Variants in PLB1 observed in about 807,000 individuals in gnomAD.
PLB1 encodes phospholipase B1.
PLB1 carries 242 observed loss-of-function variants against 227.4 expected under a neutral mutation model. That is an observed-to-expected ratio of 1.06 (90% confidence interval 0.96 to 1.18). The LOEUF (loss-of-function observed/expected upper bound fraction) is 1.18, where lower values mean the gene tolerates loss of function less well. Among genes scored for constraint, PLB1 ranks in the 50% most tolerant of loss-of-function variants. The pLI is 0.00. For synonymous variants in PLB1, 757 were observed against 682.2 expected, an observed-to-expected ratio of 1.11 and a Z score of -1.71; for missense variants, 1,858 against 1,816.3, an observed-to-expected ratio of 1.02 and a Z score of -0.42.
intron 14 of PLB1, among the ~76,000 whole-genome samples, chr2:28,544,941 T>G (rs1213802101): frequency 6.6e-6 from 1 of 152,128 alleles, no homozygotes; most frequent in Non-Finnish European, 1.5e-5. Context: ...GAGGGCTGGA[T>G]TCCTATCCCT....
chr2:28,539,347 G>C (rs1045618150), intron 11 of PLB1, among the ~76,000 whole-genome samples, 169 bp downstream of exon 11: 1 of 152,214 alleles, frequency 6.6e-6, no homozygotes, highest in African/African-American at 2.4e-5. Flanking sequence ...CAGAGTCGGG[G>C]TGGGGTGGGC....
intron 50 of PLB1, among the ~76,000 whole-genome samples, chr2:28,625,936 C>T (rs976329479): frequency 1.3e-4 from 19 of 151,640 alleles, no homozygotes; most frequent in Non-Finnish European, 2.2e-4. Flanking sequence ...AAAACATCCT[C>T]TCTGTGGAGC....
chr2:28,525,223 G>C (rs371308394), intron 4 of PLB1, 44 bp from the exon 5 acceptor site: 6 of 1,597,866 alleles, frequency 3.8e-6, no homozygotes, highest in Non-Finnish European at 5.1e-6. Context: ...AAGAGGCTCT[G>C]CCACCTCCCC....
Position 28,639,372 on chromosome 2 carries a change from C to T in PLB1, c.4099-1555C>T, listed in dbSNP as rs550981001. ...ATGATCTTTGGCTCTGCCCATATGG[C>T]GATCGTTGGTGGCCAGGGCCAGAGC... is the stretch of plus-strand genomic sequence containing the variant. On this transcript the variant is annotated intron_variant, in intron 56 of 57. Transcript: ENST00000327757. Among the ~76,000 whole-genome samples the T allele has an allele frequency of 2.8e-4, 42 of 151,216 alleles. 2 individuals are homozygous for T. In the South Asian group the frequency reaches 3.3e-3, roughly 12 times the overall value.
At position 28,577,527 on chromosome 2, in the gene PLB1, C is replaced by T. The variant is rs144001448; in HGVS notation, c.1434-580C>T. ...GGCTTGGAAGGAAAAGAAAAGTACA[C>T]CATCAAATATGCCAATCAGAAAATA... On this transcript the variant is annotated intron_variant, in intron 21 of 57. Transcript: ENST00000327757. Among the ~76,000 whole-genome samples the T allele has an allele frequency of 2.0e-5, 3 of 152,288 alleles. No homozygotes were observed. In the East Asian group the frequency reaches 5.8e-4, roughly 30 times the overall value.
intron 33 of PLB1, chr2:28,595,101 A>T (rs1289759934): frequency 6.6e-6 from 1 of 152,204 alleles, no homozygotes; most frequent in Admixed American, 6.5e-5. Flanking sequence ...CAGATCGACC[A>T]GCTGGGCTCC....
intron 49 of PLB1, among the ~76,000 whole-genome samples, chr2:28,621,930 CTG>C (rs984065785): frequency 2.6e-5 from 4 of 152,162 alleles, no homozygotes; most frequent in Non-Finnish European, 5.9e-5. Flanking sequence ...ATTTCTCACT[CTG>C]TTGACAATCA....
At chr2:28,532,077 C>T in intron 8 of PLB1, 31 bp from the exon 9 acceptor site, 1 of 1,544,564 alleles carries the variant, frequency 6.5e-7, no homozygotes, top group Non-Finnish European at 8.9e-7. Flanking sequence ...TTAACACAAT[C>T]TCCTTTTCAT....
intron 23 of PLB1, 77 bp from the exon 24 acceptor site, chr2:28,581,991 C>T: frequency 5.7e-6 from 8 of 1,394,072 alleles, no homozygotes; most frequent in Middle Eastern, 3.6e-4. Flanking sequence ...GAAGGGGACC[C>T]AAGAGAGAAA....
At chr2:28,565,227 G>C (rs1676679128) in intron 18 of PLB1, 53 bp from the exon 19 acceptor site, 2 of 1,510,754 alleles carry the variant, frequency 1.3e-6, no homozygotes, top group African/African-American at 2.7e-5. Context: ...GGTAGGCAGA[G>C]GTGGGCCACT....
chr2:28,566,669 G>A (rs1170313008), intron 19 of PLB1, 127 bp from the exon 20 acceptor site: 2 of 1,006,128 alleles, frequency 2.0e-6, no homozygotes, highest in Non-Finnish European at 3.1e-6. Context: ...TGAAGTGATG[G>A]GGAAAGTGCA....
intron 29 of PLB1, among the ~76,000 whole-genome samples, chr2:28,590,422 GATCCCTTGTCTTC>G (rs2148283505): frequency 6.6e-6 from 1 of 152,304 alleles, no homozygotes; most frequent in African/African-American, 2.4e-5. Context: ...GGGGCGGAAG[GATCCCTTGTCTTC>G]ATATAGCCCC....
chr2:28,543,395 C>A (rs1229285416), intron 14 of PLB1, 127 bp downstream of exon 14: 3 of 956,066 alleles, frequency 3.1e-6, no homozygotes, highest in Non-Finnish European at 3.0e-6. Context: ...TCTGGGCCAC[C>A]AGGGATGCTT....
chr2:28,506,763 G>C (rs1287730160), intron 1 of PLB1, among the ~76,000 whole-genome samples: 1 of 152,184 alleles, frequency 6.6e-6, no homozygotes, highest in Non-Finnish European at 1.5e-5. Context: ...AAGGTCATGA[G>C]TCAAAAGAGG....
chr2:28,602,557 G>T (rs1216560924), intron 38 of PLB1, among the ~76,000 whole-genome samples: 1 of 152,224 alleles, frequency 6.6e-6, no homozygotes, highest in Non-Finnish European at 1.5e-5. Flanking sequence ...CTACATGATG[G>T]CTAAACAGAG....
chr2:28,572,357 T>C (rs950118103), intron 20 of PLB1, among the ~76,000 whole-genome samples: 1 of 152,118 alleles, frequency 6.6e-6, no homozygotes, highest in African/African-American at 2.4e-5. Flanking sequence ...CCTCAAAAGG[T>C]TAAACAGGGT....
At chr2:28,531,502 G>A (rs544672121) in intron 8 of PLB1, among the ~76,000 whole-genome samples, 28 of 152,100 alleles carry the variant, frequency 1.8e-4, no homozygotes, top group African/African-American at 6.8e-4. Context: ...ATAGAGATGG[G>A]GTTTCTCCAT....
intron 32 of PLB1, among the ~76,000 whole-genome samples, 184 bp from the exon 33 acceptor site, chr2:28,593,497 A>G (rs1682351650): frequency 6.6e-6 from 1 of 152,176 alleles, no homozygotes; most frequent in Admixed American, 6.5e-5. Context: ...GGCAGCTAAG[A>G]GTTGGGGAAG....
chr2:28,640,394 A>C (rs1459550495), intron 56 of PLB1, among the ~76,000 whole-genome samples: 2 of 152,222 alleles, frequency 1.3e-5, no homozygotes, highest in Non-Finnish European at 2.9e-5. Context: ...TGGAAAACAT[A>C]CAAAGTGGCG....
Sources: gnomAD v4.1 joint callset for allele counts (sites outside exome capture counted in the v4.1 genomes callset) on GRCh38, gnomAD v4.1.1 for gene constraint, MANE v1.5 for transcripts, NCBI Gene and HGNC (gene_info 2026-07-23, HGNC 2026-07-21) for gene names.